The following POLA1 variants were observed in gnomAD, a reference collection of about 807,000 sequenced individuals.
The protein encoded by POLA1 is DNA polymerase alpha 1, catalytic subunit.
In POLA1, 15 loss-of-function variants were observed where a neutral mutation model predicts 124.0. The observed-to-expected ratio is 0.12, with a 90% CI of 0.08 to 0.19. The LOEUF (loss-of-function observed/expected upper bound fraction) is 0.19, where lower values mean the gene tolerates loss of function less well. Ranked by LOEUF, POLA1 falls within the 10% of genes least tolerant of loss-of-function variation. POLA1 has a pLI of 1.00. For synonymous variants in POLA1, 408 were observed against 389.4 expected, an observed-to-expected ratio of 1.05 and a Z score of -0.56; for missense variants, 886 against 1,103.4, an observed-to-expected ratio of 0.80 and a Z score of 2.79.
intron 36 of POLA1, among the ~76,000 whole-genome samples, chrX:24,948,522 G>A (rs1171806522): frequency 9.0e-6 from 1 of 111,393 alleles, no homozygotes; most frequent in African/African-American, 3.3e-5. Flanking sequence ...TAGCAAGTTA[G>A]TGATAAATAA....
At chrX:24,921,139 C>A (rs1197821925) in intron 35 of POLA1, among the ~76,000 whole-genome samples, 1 of 112,514 alleles carries the variant, frequency 8.9e-6, no homozygotes. Flanking sequence ...CCTGACCTCA[C>A]AGAGTTATTC....
intron 26 of POLA1, among the ~76,000 whole-genome samples, chrX:24,763,901 A>G (rs1932843453): frequency 8.9e-6 from 1 of 111,779 alleles, no homozygotes; most frequent in African/African-American, 3.3e-5. Context: ...CTGAGGCACA[A>G]GGAAGTTACT....
intron 28 of POLA1, among the ~76,000 whole-genome samples, chrX:24,811,452 C>G (rs978702808): frequency 2.2e-4 from 24 of 109,128 alleles, no homozygotes; most frequent in African/African-American, 7.4e-4. Flanking sequence ...ATCACGCCCC[C>G]CTAATTTTTG....
chrX:24,964,493 G>T (rs964663716), intron 36 of POLA1, among the ~76,000 whole-genome samples: 1 of 112,728 alleles, frequency 8.9e-6, no homozygotes, highest in African/African-American at 3.2e-5. Flanking sequence ...ACTGCCTTGC[G>T]CAGAGCACAC....
At chrX:24,861,767 C>T (rs1308871018) in intron 34 of POLA1, among the ~76,000 whole-genome samples, 1 of 112,133 alleles carries the variant, frequency 8.9e-6, no homozygotes, top group African/African-American at 3.2e-5. Flanking sequence ...GTTACCTAAC[C>T]AGAGAATTTA....
intron 36 of POLA1, among the ~76,000 whole-genome samples, chrX:24,951,993 G>A (rs142033515): frequency 1.3e-4 from 14 of 111,801 alleles, no homozygotes; most frequent in Admixed American, 2.8e-4. Flanking sequence ...GTTTCCACTC[G>A]CATGCAAAAC....
intron 34 of POLA1, among the ~76,000 whole-genome samples, chrX:24,852,477 A>AT (rs1369594314): frequency 1.8e-5 from 2 of 109,993 alleles, no homozygotes; most frequent in Middle Eastern, 4.2e-3. Flanking sequence ...CCCTCAGCTA[A>AT]TTTTGTATTT....
intron 33 of POLA1, among the ~76,000 whole-genome samples, chrX:24,842,741 G>A (rs1222949983): frequency 2.7e-5 from 3 of 111,448 alleles, no homozygotes; most frequent in African/African-American, 6.5e-5. Context: ...TGGAAGAGCC[G>A]ATGTCAAGCT....
At chrX:24,910,629 A>G (rs2047436459) in intron 35 of POLA1, among the ~76,000 whole-genome samples, 1 of 111,748 alleles carries the variant, frequency 8.9e-6, no homozygotes, top group African/African-American at 3.3e-5. Context: ...ATTAGACTTC[A>G]GGTTAAAGAA....
intron 30 of POLA1, among the ~76,000 whole-genome samples, chrX:24,816,191 G>A (rs1324230530): frequency 8.9e-6 from 1 of 112,164 alleles, no homozygotes; most frequent in Non-Finnish European, 1.9e-5. Context: ...TATCTGTATG[G>A]CTTTTGCCAA....
intron 35 of POLA1, among the ~76,000 whole-genome samples, chrX:24,903,387 T>G (rs2047308432): frequency 1.8e-5 from 2 of 112,613 alleles, no homozygotes; most frequent in Admixed American, 1.9e-4. Flanking sequence ...TTAGAAAGAC[T>G]GATTGGAACA....
In POLA1 at chrX:24,795,333, T is replaced by A. The variant is rs878989331; in HGVS notation, c.2965-14565T>A. On this transcript the variant is annotated intron_variant, in intron 26 of 36. Coordinates refer to ENST00000379068, the MANE Select transcript of POLA1 (RefSeq NM_001330360.2). ...TTATAACTGGTTCGTAAATGACTTA[T>A]GTGCTTTTCTGAAGCACTTTTTCAA... Among the ~76,000 whole-genome samples, 3 of 112,033 alleles carry A rather than the reference T, an allele frequency of 2.7e-5. No individual in the cohort carries two copies. The East Asian group carries it at 8.4e-4, about 31-fold the overall frequency.
chrX:24,745,839 G>A (rs1444429548), intron 24 of POLA1, among the ~76,000 whole-genome samples: 3 of 111,543 alleles, frequency 2.7e-5, no homozygotes, highest in Non-Finnish European at 3.8e-5. Context: ...TTATAGATTT[G>A]TGTATTCTGG....
intron 2 of POLA1, among the ~76,000 whole-genome samples, chrX:24,702,221 A>C (rs1478809464): frequency 1.8e-5 from 2 of 109,127 alleles, no homozygotes; most frequent in Non-Finnish European, 3.8e-5. Flanking sequence ...GGCATATGCC[A>C]CCACGCCTGG....
intron 36 of POLA1, among the ~76,000 whole-genome samples, chrX:24,989,645 C>T (rs755791983): frequency 1.1e-4 from 12 of 110,717 alleles, no homozygotes; most frequent in Non-Finnish European, 2.3e-4. Context: ...AAAAGTAGTG[C>T]TTACATCAAA....
chrX:24,702,189 C>T (rs944158331), intron 2 of POLA1, among the ~76,000 whole-genome samples: 3 of 110,383 alleles, frequency 2.7e-5, no homozygotes, highest in Non-Finnish European at 3.8e-5. Context: ...CTGCCTCAGC[C>T]TCCTGAGTAG....
intron 4 of POLA1, among the ~76,000 whole-genome samples, chrX:24,705,607 T>C (rs747329573): frequency 8.9e-6 from 1 of 111,879 alleles, no homozygotes; most frequent in East Asian, 2.8e-4. Context: ...ATTAGCCCAA[T>C]AGTATCTTTT....
At chrX:24,963,849 C>A (rs866589890) in intron 36 of POLA1, among the ~76,000 whole-genome samples, 9 of 111,704 alleles carry the variant, frequency 8.1e-5, no homozygotes, top group Admixed American at 9.5e-5. Flanking sequence ...ATTTTTCCCC[C>A]AAACTAATAA....
chrX:24,890,241 C>T (rs1172158783), intron 35 of POLA1, among the ~76,000 whole-genome samples: 1 of 110,433 alleles, frequency 9.1e-6, no homozygotes, highest in African/African-American at 3.3e-5. Flanking sequence ...GCGCGTGCCA[C>T]CATGCCTGGC....
Sources: gnomAD v4.1 joint callset for allele counts (sites outside exome capture counted in the v4.1 genomes callset) on GRCh38, gnomAD v4.1.1 for gene constraint, MANE v1.5 for transcripts, NCBI Gene and HGNC (gene_info 2026-07-23, HGNC 2026-07-21) for gene names.